The following TMEM232 variants were observed in gnomAD, a reference collection of about 807,000 sequenced individuals.
TMEM232 encodes the protein transmembrane protein 232.
A neutral mutation model predicts 78.8 loss-of-function variants in TMEM232; 80 were observed. The observed-to-expected ratio is 1.01, with a 90% CI of 0.85 to 1.22. TMEM232 has a LOEUF of 1.22. Ranked by LOEUF, TMEM232 falls within the 50% of genes most tolerant of loss-of-function variation. TMEM232 has a pLI of 0.00. For synonymous variants in TMEM232, 297 were observed against 254.3 expected, an observed-to-expected ratio of 1.17 and a Z score of -1.60; for missense variants, 881 against 742.2, an observed-to-expected ratio of 1.19 and a Z score of -2.17.
intron 3 of TMEM232, among the ~76,000 whole-genome samples, chr5:110,392,649 A>C (rs541376059): frequency 1.3e-5 from 2 of 152,306 alleles, no homozygotes; most frequent in South Asian, 4.1e-4. Flanking sequence ...TAATCTTCTT[A>C]TAAGGATATT....
chr5:110,567,953 A>AT (rs1776529278), intron 11 of TMEM232, among the ~76,000 whole-genome samples: 1 of 152,016 alleles, frequency 6.6e-6, no homozygotes, highest in Admixed American at 6.6e-5. Context: ...AGCCCTTGCT[A>AT]TGAGGTAGTG....
In TMEM232 at chr5:110,568,633, A is replaced by G; in HGVS notation, c.1277-8T>C. The G allele has an allele frequency of 6.6e-7, 1 of 1,524,878 alleles. No homozygotes were observed. The highest frequency in any genetic ancestry group is 1.3e-5 in the South Asian group (1 of 78,568). 94.5% of individuals were successfully genotyped at this position (1,524,878 alleles called of 1,614,324 possible). A position where few individuals can be genotyped will look rare whatever the true frequency, so the allele number is the denominator to read the frequency against. On this transcript the variant is annotated splice_polypyrimidine_tract_variant and splice_region_variant and intron_variant, in intron 10 of 13. Transcript: ENST00000455884. ...TCCAGACTACTTGATCACCTGTTTA[A>G]AAAGAAAAAGTCTTTGGGAATTATC...
chr5:110,647,341 G>A (rs1402423479), intron 2 of TMEM232, among the ~76,000 whole-genome samples: 1 of 151,760 alleles, frequency 6.6e-6, no homozygotes, highest in Non-Finnish European at 1.5e-5. Context: ...TATAAATTTG[G>A]GTGGACACAA....
At chr5:110,660,931 T>C (rs1789695206) in intron 2 of TMEM232, among the ~76,000 whole-genome samples, 1 of 152,208 alleles carries the variant, frequency 6.6e-6, no homozygotes, top group Non-Finnish European at 1.5e-5. Context: ...ACACTAGAAC[T>C]TATTCCTTCT....
chr5:110,523,328 T>A (rs1233121607), intron 12 of TMEM232, among the ~76,000 whole-genome samples: 2 of 151,564 alleles, frequency 1.3e-5, no homozygotes, highest in Non-Finnish European at 2.9e-5. Context: ...TTTCACCTTT[T>A]AAAAAAACTA....
rs541190905 is a variant in TMEM232, at chr5:110,546,896, GAAAT to G, written c.1456-18065_1456-18062del. 1.5e-3 allele frequency among the ~76,000 whole-genome samples: 224 copies of G among 151,272 alleles called. 1 individual carries two copies. The highest frequency in any genetic ancestry group is 0.012 in the Admixed American group (188 of 15,166). On this transcript the variant is annotated intron_variant, in intron 11 of 13. Coordinates refer to ENST00000455884, the MANE Select transcript of TMEM232 (RefSeq NM_001039763.4). ...TATTAAGGAAATATAAGAACATTTA[GAAAT>G]AAATAACCCACCTTTGGAGTTTTAT...
rs1439530482 is a variant in TMEM232 at position 110,528,841 on chromosome 5, GAAAGAAAAGAGAA to G, written c.1456-19_1456-7del. ...GTTGGGTCATTTAACTCAGCCTGTT[GAAAGAAAAGAGAA>G]AGGAATCAGTTGAAACAGGATTAAA... On this transcript the variant is annotated splice_region_variant and splice_polypyrimidine_tract_variant and intron_variant, in intron 11 of 13. Coordinates refer to ENST00000455884, the MANE Select transcript of TMEM232 (RefSeq NM_001039763.4). 7.1e-7 allele frequency: 1 copy of G among 1,412,730 alleles called. No individual in the cohort carries two copies. Among genetic ancestry groups the G allele is most frequent in the African/African-American group, 1.4e-5 (1 of 69,348 alleles). The allele number at this position is 1,412,730 out of a possible 1,614,324, so 87.5% of individuals were successfully genotyped here. A position where few individuals can be genotyped will look rare whatever the true frequency, so the allele number is the denominator to read the frequency against.
At chr5:110,598,067 C>G (rs892417581) in intron 10 of TMEM232, among the ~76,000 whole-genome samples, 39 of 151,908 alleles carry the variant, frequency 2.6e-4, no homozygotes, top group African/African-American at 9.2e-4. Flanking sequence ...ACCATCAGAG[C>G]ATACAGGCAA....
In TMEM232 at chr5:110,618,509, A is replaced by C; in HGVS notation, c.822T>G (p.Cys274Trp). The C allele has an allele frequency of 6.4e-7, 1 of 1,551,802 alleles. No individual in the cohort carries two copies. The highest frequency in any genetic ancestry group is 2.4e-5 in the East Asian group (1 of 40,886). The change falls in exon 8 of 14, where the codon TGT becomes TGG. Residue 274 changes from cysteine (C) to tryptophan (W), a missense_variant. Cys to Trp is a radical substitution (Grantham distance 215). Transcript: ENST00000455884. ...TCAACTGAGGACTGTTATTCTGAAC[A>C]CAAGACCAAGCAGCAACACAGTGCC... ...LLWHCVAAWSCVQNNSPQLNN... is the reference protein window; with the variant it reads ...LLWHCVAAWSWVQNNSPQLNN...
chr5:110,638,351 A>G lies in TMEM232; in HGVS notation c.348T>C (p.Ser116=), dbSNP rs1257144449. The G allele has an allele frequency of 3.9e-6, 6 of 1,528,662 alleles. No homozygotes were observed. Among genetic ancestry groups the G allele is most frequent in the Non-Finnish European group, 5.3e-6 (6 of 1,139,454 alleles). 94.7% of individuals were successfully genotyped at this position (1,528,662 alleles called of 1,614,324 possible). ...CCAGAGATGCATAAAGCATATTTAA[A>G]GATTCTGAAATATTAAAAATATAGA... is the stretch of plus-strand genomic sequence containing the variant. ...AQCKGEIQDE[S]LNMLYASLDH... Residue 116 remains serine (S), a synonymous_variant, in exon 5 of 14, where the codon TCT becomes TCC. Coordinates refer to ENST00000455884, the MANE Select transcript of TMEM232 (RefSeq NM_001039763.4).
chr5:110,690,366 C>T (rs1013950893), intron 1 of TMEM232, among the ~76,000 whole-genome samples: 21 of 151,830 alleles, frequency 1.4e-4, no homozygotes, highest in African/African-American at 1.9e-4. Flanking sequence ...AAAAAACATA[C>T]GAAAAAAGGC....
chr5:110,475,162 T>C (rs962140199), intron 12 of TMEM232, among the ~76,000 whole-genome samples: 5 of 151,676 alleles, frequency 3.3e-5, no homozygotes, highest in South Asian at 2.1e-4. Context: ...CAATAGAGAG[T>C]CCAGCAACAG....
intron 5 of TMEM232, among the ~76,000 whole-genome samples, chr5:110,628,539 G>A (rs2149955040): frequency 6.6e-6 from 1 of 151,946 alleles, no homozygotes; most frequent in East Asian, 1.9e-4. Context: ...TGGAATGTCT[G>A]AAAAAATATA....
chr5:110,634,108 T>C (rs1229957975), intron 5 of TMEM232, among the ~76,000 whole-genome samples: 3 of 151,908 alleles, frequency 2.0e-5, no homozygotes, highest in African/African-American at 7.3e-5. Context: ...GCAAGAACAT[T>C]AAATAATGAC....
At chr5:110,563,244 T>G (rs952318412) in intron 11 of TMEM232, among the ~76,000 whole-genome samples, 19 of 151,990 alleles carry the variant, frequency 1.3e-4, no homozygotes, top group African/African-American at 4.6e-4. Context: ...AGGTCTTTGC[T>G]TGTATCTAAT....
At chr5:110,549,057 T>C (rs889290551) in intron 11 of TMEM232, among the ~76,000 whole-genome samples, 1 of 151,980 alleles carries the variant, frequency 6.6e-6, no homozygotes, top group Non-Finnish European at 1.5e-5. Context: ...AGAAAAGTTT[T>C]TGAACTAAAT....
intron 1 of TMEM232, among the ~76,000 whole-genome samples, chr5:110,707,503 G>A (rs1796043952): frequency 6.6e-6 from 1 of 152,192 alleles, no homozygotes; most frequent in South Asian, 2.1e-4. Context: ...CCAGCAGTTG[G>A]AATTTGAGTT....
intron 2 of TMEM232, among the ~76,000 whole-genome samples, chr5:110,660,889 TGTTAA>T (rs1453288256): frequency 6.6e-6 from 1 of 152,192 alleles, no homozygotes; most frequent in African/African-American, 2.4e-5. Context: ...AATAAATTGT[TGTTAA>T]GTTTAGTCAC....
intron 12 of TMEM232, among the ~76,000 whole-genome samples, chr5:110,526,914 A>C (rs1253695244): frequency 6.6e-6 from 1 of 151,910 alleles, no homozygotes; most frequent in Non-Finnish European, 1.5e-5. Flanking sequence ...GAATGGAAAA[A>C]TTTATCTGAA....
Sources: allele counts gnomAD v4.1 joint callset (sites outside exome capture counted in the v4.1 genomes callset), GRCh38; gene constraint gnomAD v4.1.1; transcripts MANE v1.5; gene names NCBI Gene and HGNC (gene_info 2026-07-23, HGNC 2026-07-21).